The following SUMO3 variants were observed in gnomAD, a reference collection of about 807,000 sequenced individuals.
SUMO3 encodes small ubiquitin like modifier 3, also known as small ubiquitin-related modifier 3.
SUMO3 carries 2 observed loss-of-function variants against 11.1 expected under a neutral mutation model. The observed-to-expected ratio is 0.18, with a 90% CI of 0.07 to 0.57. SUMO3 has a LOEUF of 0.57. Ranked by LOEUF, SUMO3 falls within the 20% of genes least tolerant of loss-of-function variation. SUMO3 has a pLI of 0.92. For synonymous variants in SUMO3, 56 were observed against 53.5 expected, an observed-to-expected ratio of 1.05 and a Z score of -0.20; for missense variants, 70 against 132.8, an observed-to-expected ratio of 0.53 and a Z score of 2.32.
chr21:44,809,437 A>G (rs548581803), intron 2 of SUMO3, among the ~76,000 whole-genome samples: 15 of 152,282 alleles, frequency 9.9e-5, no homozygotes, highest in African/African-American at 3.6e-4. Flanking sequence ...TTTTCAACCC[A>G]GGTTTTGTTA....
rs1385456929 is a variant in SUMO3 at position 44,811,773 on chromosome 21, A to G, written c.150+2203T>C. 6.6e-6 allele frequency among the ~76,000 whole-genome samples: 1 copy of G among 152,224 alleles called. No homozygotes were observed. Among genetic ancestry groups the G allele is most frequent in the Admixed American group, 6.5e-5 (1 of 15,284 alleles). ...TGGGAGAAAAATTATCAAATTTAAA[A>G]TATCTAGGACAATGAGCAGCAGGAG... On this transcript the variant is annotated intron_variant, in intron 2 of 3. Transcript: ENST00000332859. This position sits in a 1 kb window ranked among gnomAD's most constrained non-coding sequence, Gnocchi z 5.0.
At chr21:44,814,969 G>A (rs890798620) in intron 1 of SUMO3, among the ~76,000 whole-genome samples, 41 of 152,182 alleles carry the variant, frequency 2.7e-4, no homozygotes, top group Admixed American at 3.9e-4. Context: ...AGTCTGAGCC[G>A]AAAAGTGGGG....
chr21:44,814,142 C>T (rs1414048167), intron 1 of SUMO3, 38 bp from the exon 2 acceptor site: 2 of 1,594,288 alleles, frequency 1.3e-6, no homozygotes, highest in South Asian at 2.2e-5. Context: ...AAAACTGTGT[C>T]TCAAAATAAC....
chr21:44,809,000 G>A (rs778133803), intron 3 of SUMO3, 47 bp downstream of exon 3: 238 of 1,535,134 alleles, frequency 1.6e-4, no homozygotes, highest in South Asian at 3.5e-4. Flanking sequence ...CAGTTACCCC[G>A]CACAAATCGG....
chr21:44,813,850 C>T (rs774797443), intron 2 of SUMO3, 126 bp downstream of exon 2: 21 of 1,566,344 alleles, frequency 1.3e-5, no homozygotes, highest in African/African-American at 5.4e-5. Flanking sequence ...TGCCCATCCA[C>T]GAAGAGGGCA....
At position 44,808,774 on chromosome 21, in the gene SUMO3, G is replaced by A. The variant is rs566886960; in HGVS notation, c.222+273C>T. On this transcript the variant is annotated intron_variant, in intron 3 of 3. Coordinates refer to ENST00000332859, the MANE Select transcript of SUMO3 (RefSeq NM_006936.3). ...TCCAGACAATGAGTGGGAAGGGGCC[G>A]CTGAGTGGTCCTTGCACCCCCGCTT... Among the ~76,000 whole-genome samples the A allele has an allele frequency of 4.6e-5, 7 of 152,356 alleles. No homozygotes were observed. The East Asian group carries it at 1.3e-3, about 29-fold the overall frequency.
Position 44,810,035 on chromosome 21 carries a change from C to T in SUMO3, c.151-917G>A, listed in dbSNP as rs939582764. ...GCATGAGGCCGGGGAGCAGTTACCA[C>T]CATGACTTTGGCCTTGAGGAGGGCA... On this transcript the variant is annotated intron_variant, in intron 2 of 3. Coordinates refer to ENST00000332859, the MANE Select transcript of SUMO3 (RefSeq NM_006936.3). This position sits in a 1 kb window ranked among gnomAD's most constrained non-coding sequence, Gnocchi z 4.1. Among the ~76,000 whole-genome samples, 2 of 152,194 alleles carry T rather than the reference C, an allele frequency of 1.3e-5. No homozygotes were observed. Among genetic ancestry groups the T allele is most frequent in the African/African-American group, 4.8e-5 (2 of 41,446 alleles).
rs1601218393 is a variant in SUMO3, at chr21:44,815,219, G to A, written c.22-1115C>T. The stretch of plus-strand genomic sequence containing the variant: ...AGCGATGCCTAAATACAGGGAGTGG[G>A]ATGTAGAAGGCTCGCCTGAGGGTGA... On this transcript the variant is annotated intron_variant, in intron 1 of 3. Coordinates refer to ENST00000332859, the MANE Select transcript of SUMO3 (RefSeq NM_006936.3). Among the ~76,000 whole-genome samples the A allele has an allele frequency of 4.6e-5, 7 of 152,202 alleles. No homozygotes were observed. The East Asian group carries it at 1.4e-3, about 29-fold the overall frequency.
chr21:44,818,019 G>A lies in SUMO3; in HGVS notation c.-51C>T, dbSNP rs745655859. On this transcript the variant is annotated 5_prime_UTR_variant, in exon 1 of 4. Coordinates refer to ENST00000332859, the MANE Select transcript of SUMO3 (RefSeq NM_006936.3). ...GGCGCGGGGGAAGCAGCGCGGAGCG[G>A]GCGAGTCACGCTCTCGGCCCCGCCG... 8.6e-7 allele frequency: 1 copy of A among 1,169,144 alleles called. No individual in the cohort carries two copies. The highest frequency in any genetic ancestry group is 1.6e-5 in the African/African-American group (1 of 61,316). The allele number at this position is 1,169,144 out of a possible 1,614,324, so 72.4% of individuals were successfully genotyped here.
At position 44,805,794 on chromosome 21, in the gene SUMO3, AGG is replaced by A. The variant is rs2146417265; in HGVS notation, c.*1155_*1156del. ...AGCAAGAGATGATGGGTCATTGTTC[AGG>A]TGACTGTAAAAAGGCAGAGAATGGC... On this transcript the variant is annotated 3_prime_UTR_variant, in exon 4 of 4. Coordinates refer to ENST00000332859, the MANE Select transcript of SUMO3 (RefSeq NM_006936.3). The A allele has an allele frequency of 6.5e-6, 1 of 152,712 alleles. No homozygotes were observed. The highest frequency in any genetic ancestry group is 6.5e-5 in the Admixed American group (1 of 15,292). 9.5% of individuals were successfully genotyped at this position (152,712 alleles called of 1,614,324 possible).
In SUMO3 at chr21:44,807,203, A is replaced by G. The variant is rs2083182807; in HGVS notation, c.223-163T>C. Reference sequence around the variant, plus strand: ...GTCCCCTCACTGCAGCTCAGCACGCATGGAAGAGGCATTGCTGTATGCTCA... The same window carrying G: ...GTCCCCTCACTGCAGCTCAGCACGCGTGGAAGAGGCATTGCTGTATGCTCA... On this transcript the variant is annotated intron_variant, in intron 3 of 3. Transcript: ENST00000332859. This position sits in a 1 kb window ranked among gnomAD's most constrained non-coding sequence, Gnocchi z 4.3. 6.6e-6 allele frequency among the ~76,000 whole-genome samples: 1 copy of G among 152,172 alleles called. No individual in the cohort carries two copies. The highest frequency in any genetic ancestry group is 1.5e-5 in the Non-Finnish European group (1 of 68,040).
Position 44,811,573 on chromosome 21 carries a change from A to C in SUMO3, c.150+2403T>G, listed in dbSNP as rs1046372414. 2.6e-5 allele frequency among the ~76,000 whole-genome samples: 4 copies of C among 152,118 alleles called. No homozygotes were observed. Among genetic ancestry groups the C allele is most frequent in the Admixed American group, 2.0e-4 (3 of 15,274 alleles). ...GGGGACAGAGTGAGACCCTGTCTCA[A>C]AAAAAATAAGTTGCTACTGAGAAAA... On this transcript the variant is annotated intron_variant, in intron 2 of 3. Transcript: ENST00000332859. This position sits in a 1 kb window ranked among gnomAD's most constrained non-coding sequence, Gnocchi z 5.0.
rs2083182593 is a variant in SUMO3, at chr21:44,807,159, C to G, written c.223-119G>C. Reference sequence around the variant, plus strand: ...CCTGACACTAGCGACATCACCTGGTCACACCTTGGCTCTTGTCCGTCCCCT... The same window carrying G: ...CCTGACACTAGCGACATCACCTGGTGACACCTTGGCTCTTGTCCGTCCCCT... On this transcript the variant is annotated intron_variant, in intron 3 of 3. Coordinates refer to ENST00000332859, the MANE Select transcript of SUMO3 (RefSeq NM_006936.3). The surrounding 1 kb of genome is among the most constrained non-coding windows in gnomAD (Gnocchi z 4.3). 1 of 1,265,072 alleles carries G rather than the reference C, an allele frequency of 7.9e-7. No homozygotes were observed. Among genetic ancestry groups the G allele is most frequent in the Non-Finnish European group, 1.1e-6 (1 of 916,776 alleles). 78.4% of individuals were successfully genotyped at this position (1,265,072 alleles called of 1,614,324 possible).
chr21:44,814,558 C>G (rs1444431776), intron 1 of SUMO3, among the ~76,000 whole-genome samples: 1 of 152,150 alleles, frequency 6.6e-6, no homozygotes, highest in Admixed American at 6.5e-5. Flanking sequence ...TCTTATGAAA[C>G]CAGTAAAAAC....
In SUMO3 at chr21:44,810,954, A is replaced by C. The variant is rs769783367; in HGVS notation, c.151-1836T>G. ...TGCCCACACCCACACACATGCACAC[A>C]CCCACACATGCACACCCATGCACAC... On this transcript the variant is annotated intron_variant, in intron 2 of 3. Transcript: ENST00000332859. This position sits in a 1 kb window ranked among gnomAD's most constrained non-coding sequence, Gnocchi z 4.1. 3.2e-4 allele frequency among the ~76,000 whole-genome samples: 48 copies of C among 150,736 alleles called. No individual in the cohort carries two copies. The highest frequency in any genetic ancestry group is 1.2e-3 in the African/African-American group (47 of 40,830).
chr21:44,814,866 G>C (rs775974515), intron 1 of SUMO3, among the ~76,000 whole-genome samples: 2 of 152,158 alleles, frequency 1.3e-5, no homozygotes, highest in Non-Finnish European at 2.9e-5. Context: ...CTCAACAATG[G>C]CACAATCGGG....
At position 44,806,390 on chromosome 21, in the gene SUMO3, T is replaced by C. The variant is rs1293541153; in HGVS notation, c.*561A>G. 1 of 152,504 alleles carries C rather than the reference T, an allele frequency of 6.6e-6. No homozygotes were observed. The highest frequency in any genetic ancestry group is 2.4e-5 in the African/African-American group (1 of 41,444). The allele number at this position is 152,504 out of a possible 1,614,324, so 9.4% of individuals were successfully genotyped here. On this transcript the variant is annotated 3_prime_UTR_variant, in exon 4 of 4. Coordinates refer to ENST00000332859, the MANE Select transcript of SUMO3 (RefSeq NM_006936.3). ...TTATTTTTTAACCTTTGAAGAAGCATTCCAGTATTTTCCCTTCAACTTTTC... is the reference window on the plus strand; with the variant it reads ...TTATTTTTTAACCTTTGAAGAAGCACTCCAGTATTTTCCCTTCAACTTTTC...
chr21:44,814,160 T>G (rs2083230237), intron 1 of SUMO3, 56 bp from the exon 2 acceptor site: 1 of 1,590,388 alleles, frequency 6.3e-7, no homozygotes, highest in Non-Finnish European at 8.6e-7. Flanking sequence ...AACCGCGACT[T>G]GAATGGGCAA....
At chr21:44,809,544 T>A (rs776428731) in intron 2 of SUMO3, among the ~76,000 whole-genome samples, 3 of 152,214 alleles carry the variant, frequency 2.0e-5, no homozygotes, top group Non-Finnish European at 2.9e-5. Flanking sequence ...AAAGCCGACT[T>A]ACATTCAAAC....
Sources: gnomAD v4.1 joint callset for allele counts (sites outside exome capture counted in the v4.1 genomes callset) on GRCh38, gnomAD v4.1.1 for gene constraint, Gnocchi (gnomAD v3.1) non-coding constraint, MANE v1.5 for transcripts, NCBI Gene and HGNC (gene_info 2026-07-23, HGNC 2026-07-21) for gene names.